DLG5: variants seen among roughly 807,000 people sequenced by gnomAD.
DLG5 encodes the protein disks large homolog 5.
A neutral mutation model predicts 189.8 loss-of-function variants in DLG5; 48 were observed. The observed-to-expected ratio is 0.25, with a 90% CI of 0.20 to 0.32. The LOEUF (loss-of-function observed/expected upper bound fraction) is 0.32, where lower values mean the gene tolerates loss of function less well. DLG5 is among the 10% of genes least tolerant of loss of function. DLG5 has a pLI of 1.00. For synonymous variants in DLG5, 1,016 were observed against 1,054.1 expected, an observed-to-expected ratio of 0.96 and a Z score of 0.70; for missense variants, 2,160 against 2,544.7, an observed-to-expected ratio of 0.85 and a Z score of 3.25.
chr10:77,822,366 C>T (rs1262973132), intron 14 of DLG5, among the ~76,000 whole-genome samples: 2 of 152,196 alleles, frequency 1.3e-5, no homozygotes, highest in Non-Finnish European at 2.9e-5. Context: ...ATTATCTGGG[C>T]CGGGCACAGT....
the DLG5 span, among the ~76,000 whole-genome samples, chr10:77,935,997 A>G: frequency 2.0e-5 from 3 of 152,218 alleles, no homozygotes; most frequent in Non-Finnish European, 4.4e-5. Context: ...TAGGAATGCT[A>G]TATCTATGAA....
At chr10:77,816,414 G>A (rs1198976089) in intron 20 of DLG5, 137 bp downstream of exon 20, 1 of 1,359,010 alleles carries the variant, frequency 7.4e-7, no homozygotes. Context: ...ACTTACTGGT[G>A]ACACCAGCAA....
intron 20 of DLG5, 57 bp downstream of exon 20, chr10:77,816,493 GC>G: frequency 6.2e-7 from 1 of 1,611,920 alleles, no homozygotes; most frequent in Non-Finnish European, 8.5e-7. Flanking sequence ...CAGGCCCGCT[GC>G]CGGGATGCAC....
chr10:77,806,789 T>A lies in DLG5; in HGVS notation c.4936A>T (p.Ile1646Phe). 1 of 1,585,028 alleles carries A rather than the reference T, an allele frequency of 6.3e-7. No individual in the cohort carries two copies. The highest frequency in any genetic ancestry group is 8.6e-7 in the Non-Finnish European group (1 of 1,160,418). ...AWQLDENAQK[I>F]QRGQIPSKYV... Reference sequence around the variant, plus strand: ...TTGCTGGGAATCTGCCCGCGCTGGATCTTCTGGGCATTCTCGTCCAGCTGC... The same window carrying A: ...TTGCTGGGAATCTGCCCGCGCTGGAACTTCTGGGCATTCTCGTCCAGCTGC... The change falls in exon 26 of 32, where the codon ATC (isoleucine) becomes TTC (phenylalanine). Residue 1646 changes from isoleucine (I) to phenylalanine (F), a missense_variant. Physicochemically the swap from Ile to Phe is conservative, Grantham distance 21. Coordinates refer to ENST00000372391, the MANE Select transcript of DLG5 (RefSeq NM_004747.4).
Position 77,817,061 on chromosome 10 carries a change from T to G in DLG5, c.3820A>C (p.Ile1274Leu), listed in dbSNP as rs758821431. The G allele has an allele frequency of 1.2e-6, 2 of 1,614,100 alleles. No individual in the cohort carries two copies. Among genetic ancestry groups the G allele is most frequent in the South Asian group, 2.2e-5 (2 of 91,084 alleles). ...SSNLQFKAER[I>L]KIPSTPRYPR... The stretch of plus-strand genomic sequence containing the variant: ...TATCTTGGTGTTGATGGGATTTTAA[T>G]GCGTTCCGCCTTGAACTGCAAGTTA... Residue 1274 changes from isoleucine to leucine, a missense_variant, in exon 19 of 32, where the codon ATT (isoleucine) becomes CTT (leucine). Around this residue, in one of 5 missense-constraint regions of DLG5, gnomAD observed 754 missense variants for 746.5 expected, o/e 1.01. Transcript: ENST00000372391.
At chr10:77,838,785 G>A (rs745307447) in intron 7 of DLG5, among the ~76,000 whole-genome samples, 2 of 152,214 alleles carry the variant, frequency 1.3e-5, no homozygotes, top group Admixed American at 6.5e-5. Context: ...GTGGGGTGGC[G>A]GGGCCAATCC....
rs532290048 is a variant in DLG5 at position 77,904,070 on chromosome 10, G to A, written c.304+22147C>T. On this transcript the variant is annotated intron_variant, in intron 1 of 31. Transcript: ENST00000372391. Reference sequence around the variant, plus strand: ...CTGTATCTCAGCTACTCAGGAGGCTGCAGTGGGAGGATCAGTGGGAGGATA... The same window carrying A: ...CTGTATCTCAGCTACTCAGGAGGCTACAGTGGGAGGATCAGTGGGAGGATA... 7.2e-5 allele frequency among the ~76,000 whole-genome samples: 11 copies of A among 152,328 alleles called. 1 individual carries two copies. The South Asian group carries it at 2.3e-3, about 32-fold the overall frequency.
the DLG5 span, among the ~76,000 whole-genome samples, chr10:77,940,150 T>C: frequency 6.6e-6 from 1 of 152,174 alleles, no homozygotes. Context: ...AAGCCAGATG[T>C]GCTCCCCTAA....
At position 77,817,062 on chromosome 10, in the gene DLG5, G is replaced by C; in HGVS notation, c.3819C>G (p.Arg1273=). The C allele has an allele frequency of 9.3e-6, 15 of 1,614,174 alleles. No homozygotes were observed. Among genetic ancestry groups the C allele is most frequent in the Non-Finnish European group, 1.3e-5 (15 of 1,180,040 alleles). The stretch of plus-strand genomic sequence containing the variant: ...ATCTTGGTGTTGATGGGATTTTAAT[G>C]CGTTCCGCCTTGAACTGCAAGTTAC... ...SSSNLQFKAE[R]IKIPSTPRYP... Residue 1273 remains arginine, a synonymous_variant, in exon 19 of 32, where the codon CGC becomes CGG. Coordinates refer to ENST00000372391, the MANE Select transcript of DLG5 (RefSeq NM_004747.4).
At chr10:77,845,934 T>TAAAAA (rs1209911526) in intron 5 of DLG5, among the ~76,000 whole-genome samples, 3 of 97,504 alleles carry the variant, frequency 3.1e-5, no homozygotes, top group African/African-American at 4.2e-5. Context: ...AATCTTTCTT[T>TAAAAA]AAAAAAAAAA....
chr10:77,795,932 C>T, intron 29 of DLG5, 129 bp downstream of exon 29: 1 of 1,391,976 alleles, frequency 7.2e-7, no homozygotes, highest in Non-Finnish European at 1.0e-6. Context: ...TGAACTCAGA[C>T]TAACACAACA....
At chr10:77,862,536 A>G (rs1844512576) in intron 2 of DLG5, among the ~76,000 whole-genome samples, 1 of 152,246 alleles carries the variant, frequency 6.6e-6, no homozygotes. Flanking sequence ...CCACTTCAGA[A>G]AACAGTTTGA....
At chr10:77,895,736 G>A (rs536188786) in intron 1 of DLG5, among the ~76,000 whole-genome samples, 1 of 152,282 alleles carries the variant, frequency 6.6e-6, no homozygotes, top group East Asian at 1.9e-4. Flanking sequence ...TAGGCTGGGC[G>A]CGGTGGCTCA....
In DLG5 at chr10:77,898,439, A is replaced by T. The variant is rs375818935; in HGVS notation, c.304+27778T>A. 1.6e-4 allele frequency among the ~76,000 whole-genome samples: 24 copies of T among 152,330 alleles called. 4 individuals are homozygous for T. Among genetic ancestry groups the T allele is most frequent in the East Asian group, 9.6e-4 (5 of 5,184 alleles). On this transcript the variant is annotated intron_variant, in intron 1 of 31. Coordinates refer to ENST00000372391, the MANE Select transcript of DLG5 (RefSeq NM_004747.4). The stretch of plus-strand genomic sequence containing the variant: ...ACAATCTGAGGACGGGTCCCCTGCC[A>T]GCCCTCCGGGCACACAGGGAGCAAA...
chr10:77,812,353 G>A lies in DLG5; in HGVS notation c.4050C>T (p.His1350=), dbSNP rs764905133. ...KDRPYVEEPR[H]VKVQKGSEPL... ...GCTCTGAGCCCTTCTGCACCTTCAC[G>A]TGGCGTGGCTCCTCCACATAAGGCC... The change falls in exon 21 of 32, where the codon CAC becomes CAT. Residue 1350 remains histidine, a synonymous_variant. Transcript: ENST00000372391. 20 of 1,613,264 alleles carry A rather than the reference G, an allele frequency of 1.2e-5. No individual in the cohort carries two copies. Among genetic ancestry groups the A allele is most frequent in the East Asian group, 6.7e-5 (3 of 44,850 alleles).
In DLG5 at chr10:77,812,308, C is replaced by T. The variant is rs555080656; in HGVS notation, c.4095G>A (p.Val1365=). ...CGTAGATGCCGCCCTTCTCTCCACT[C>T]ACGATGGAGATGCCCAGCGGCTCTG... ...KGSEPLGISI[V]SGEKGGIYVS... is the part of the protein sequence containing the mutation. The change falls in exon 21 of 32, where the codon GTG becomes GTA. Residue 1365 remains valine (V), a synonymous_variant. Transcript: ENST00000372391. 4 of 1,614,198 alleles carry T rather than the reference C, an allele frequency of 2.5e-6. No homozygotes were observed. Among genetic ancestry groups the T allele is most frequent in the East Asian group, 2.2e-5 (1 of 44,884 alleles).
intron 16 of DLG5, 69 bp from the exon 17 acceptor site, chr10:77,819,534 TC>T: frequency 1.3e-6 from 2 of 1,529,518 alleles, no homozygotes; most frequent in South Asian, 2.6e-5. Flanking sequence ...CACAAGCCTT[TC>T]CCCTGTATCC....
intron 1 of DLG5, among the ~76,000 whole-genome samples, chr10:77,891,975 C>T (rs1471169290): frequency 6.6e-6 from 1 of 152,248 alleles, no homozygotes; most frequent in Non-Finnish European, 1.5e-5. Context: ...CCTCTTTCTG[C>T]AGGTTGGCTC....
intron 2 of DLG5, among the ~76,000 whole-genome samples, chr10:77,860,965 T>G (rs1844448120): frequency 2.0e-5 from 3 of 152,248 alleles, no homozygotes. Context: ...CATTATATAT[T>G]GACATAAGAT....
Sources: gnomAD v4.1 joint callset for allele counts (sites outside exome capture counted in the v4.1 genomes callset) on GRCh38, gnomAD v4.1.1 for gene constraint, gnomAD v4.1.1 regional missense constraint, MANE v1.5 for transcripts, NCBI Gene and HGNC (gene_info 2026-07-23, HGNC 2026-07-21) for gene names.